CDH13: variants seen among roughly 807,000 people sequenced by gnomAD.
The protein encoded by CDH13 is cadherin-13.
CDH13 carries 24 observed loss-of-function variants against 63.8 expected under a neutral mutation model. That is an observed-to-expected ratio of 0.38 (90% CI 0.27 to 0.53). The LOEUF (loss-of-function observed/expected upper bound fraction) is 0.53. Ranked by LOEUF, CDH13 falls within the 20% of genes least tolerant of loss-of-function variation. The pLI is 0.85. For missense variants in CDH13, 1,049 were observed against 903.1 expected (o/e 1.16, Z -2.07); for synonymous variants, 503 against 355.3 (o/e 1.42, Z -4.67).
At chr16:83,716,405 C>A (rs371999511) in intron 10 of CDH13, among the ~76,000 whole-genome samples, 2 of 152,294 alleles carry the variant, frequency 1.3e-5, no homozygotes, top group South Asian at 2.1e-4. Context: ...CTCTAAATAT[C>A]CCGTGTGCTC....
intron 5 of CDH13, among the ~76,000 whole-genome samples, chr16:83,302,900 A>C (rs1040341721): frequency 5.3e-5 from 8 of 152,170 alleles, no homozygotes; most frequent in Non-Finnish European, 1.0e-4. Context: ...TCAAACTGGG[A>C]GGTCAGAGGA....
chr16:83,231,574 G>T (rs1378801289), intron 5 of CDH13, among the ~76,000 whole-genome samples: 1 of 152,172 alleles, frequency 6.6e-6, no homozygotes, highest in Non-Finnish European at 1.5e-5. Flanking sequence ...AGTTACATTA[G>T]AAGTAGGGGG....
chr16:83,356,461 A>C (rs536706705), intron 6 of CDH13, among the ~76,000 whole-genome samples: 1 of 152,280 alleles, frequency 6.6e-6, no homozygotes, highest in African/African-American at 2.4e-5. Context: ...CCATCAGTCA[A>C]GACAGGCCAC....
rs534123275 is a variant in CDH13, at chr16:82,759,522, A to G, written c.46-98840A>G. ...AATAGGGGATTGTATATTAATATGT[A>G]GTAATATATACATATATGTATATGT... is the stretch of plus-strand genomic sequence containing the variant. On this transcript the variant is annotated intron_variant, in intron 1 of 13. Coordinates refer to ENST00000567109, the MANE Select transcript of CDH13 (RefSeq NM_001257.5). Among the ~76,000 whole-genome samples the G allele has an allele frequency of 1.9e-4, 29 of 150,866 alleles. No homozygotes were observed. The South Asian group carries it at 4.2e-3, about 22-fold the overall frequency.
intron 6 of CDH13, among the ~76,000 whole-genome samples, chr16:83,424,368 G>T (rs1006482208): frequency 6.6e-6 from 1 of 152,238 alleles, no homozygotes; most frequent in Non-Finnish European, 1.5e-5. Context: ...AGCATTGGTT[G>T]CATATCTGCA....
At chr16:83,427,937 A>T (rs777887059) in intron 6 of CDH13, among the ~76,000 whole-genome samples, 1 of 152,238 alleles carries the variant, frequency 6.6e-6, no homozygotes, top group African/African-American at 2.4e-5. Context: ...TGGCTGCTCC[A>T]TGTCACCTCA....
chr16:83,592,173 C>T (rs1041989294), intron 7 of CDH13, among the ~76,000 whole-genome samples: 16 of 152,292 alleles, frequency 1.1e-4, no homozygotes, highest in South Asian at 4.1e-4. Context: ...CGCACCATCC[C>T]GCACAATGCC....
chr16:82,851,754 A>G (rs2039497683), intron 1 of CDH13, among the ~76,000 whole-genome samples: 1 of 152,044 alleles, frequency 6.6e-6, no homozygotes, highest in African/African-American at 2.4e-5. Flanking sequence ...TGTAGGCAGT[A>G]TGCCTTTGTA....
chr16:83,694,892 A>G (rs779270109), intron 10 of CDH13, among the ~76,000 whole-genome samples: 1 of 152,200 alleles, frequency 6.6e-6, no homozygotes, highest in Non-Finnish European at 1.5e-5. Context: ...GTTTTAATGC[A>G]GTATTTTAAA....
chr16:83,484,389 C>G (rs2073840226), intron 6 of CDH13, among the ~76,000 whole-genome samples: 1 of 152,148 alleles, frequency 6.6e-6, no homozygotes, highest in Non-Finnish European at 1.5e-5. Flanking sequence ...CAGACAGATT[C>G]AAAATCAGAA....
rs903082786 is a variant in CDH13 at position 82,908,418 on chromosome 16, G to C, written c.157+49945G>C. On this transcript the variant is annotated intron_variant, in intron 2 of 13. Coordinates refer to ENST00000567109, the MANE Select transcript of CDH13 (RefSeq NM_001257.5). ...CATGGAACACTGGGAGGTCAAAAGC[G>C]GTCTCAGTTACCTTTGTACAATGGA... Among the ~76,000 whole-genome samples, 11 of 152,188 alleles carry C rather than the reference G, an allele frequency of 7.2e-5. No individual in the cohort carries two copies. The South Asian group carries it at 1.9e-3, about 26-fold the overall frequency.
intron 13 of CDH13, among the ~76,000 whole-genome samples, chr16:83,788,353 CAGGGGCCTCT>C: frequency 6.6e-6 from 1 of 152,270 alleles, no homozygotes. Context: ...TCCCAGGTGA[CAGGGGCCTCT>C]AGCTCAAAGC....
intron 7 of CDH13, among the ~76,000 whole-genome samples, chr16:83,575,319 C>G (rs34485537): frequency 6.6e-6 from 1 of 152,038 alleles, no homozygotes; most frequent in Non-Finnish European, 1.5e-5. Flanking sequence ...TGAATTATAT[C>G]TCAGAAAGCT....
intron 3 of CDH13, among the ~76,000 whole-genome samples, chr16:83,118,805 C>G (rs577510976): frequency 1.3e-5 from 2 of 152,102 alleles, no homozygotes; most frequent in Non-Finnish European, 2.9e-5. Context: ...TATTGGGCCT[C>G]TTCTCTGAGG....
chr16:83,007,835 A>G (rs1468349519), intron 2 of CDH13, among the ~76,000 whole-genome samples: 2 of 151,990 alleles, frequency 1.3e-5, no homozygotes, highest in African/African-American at 4.8e-5. Context: ...AAAAAAAAAA[A>G]AAGAGAGAAA....
intron 5 of CDH13, among the ~76,000 whole-genome samples, chr16:83,316,001 C>T (rs948654726): frequency 1.2e-4 from 18 of 152,184 alleles, no homozygotes; most frequent in African/African-American, 4.1e-4. Flanking sequence ...GTTTAATTGA[C>T]TCACAGTTCT....
chr16:83,594,137 C>T (rs915107812), intron 7 of CDH13, among the ~76,000 whole-genome samples: 1 of 152,198 alleles, frequency 6.6e-6, no homozygotes, highest in Admixed American at 6.5e-5. Context: ...CTGTTGGCAG[C>T]ATGGTTGGCA....
chr16:83,380,936 C>T (rs540590215), intron 6 of CDH13, among the ~76,000 whole-genome samples: 1 of 152,084 alleles, frequency 6.6e-6, no homozygotes, highest in African/African-American at 2.4e-5. Context: ...TGCCCTCCCT[C>T]CCTTCTCAGA....
intron 7 of CDH13, among the ~76,000 whole-genome samples, chr16:83,538,507 C>G (rs2075237990): frequency 1.3e-5 from 2 of 152,104 alleles, no homozygotes; most frequent in South Asian, 2.1e-4. Context: ...AATTTATACT[C>G]AAAATATAGA....
Sources: gnomAD v4.1 joint callset for allele counts (sites outside exome capture counted in the v4.1 genomes callset) on GRCh38, gnomAD v4.1.1 for gene constraint, MANE v1.5 for transcripts, NCBI Gene and HGNC (gene_info 2026-07-23, HGNC 2026-07-21) for gene names.